RNF150: variants seen among roughly 807,000 people sequenced by gnomAD.
RNF150 encodes the protein ring finger protein 150.
In RNF150, 24 loss-of-function variants were observed where a neutral mutation model predicts 39.3. The observed-to-expected ratio is 0.61, with a 90% CI of 0.44 to 0.86. The LOEUF is 0.86. Among genes scored for constraint, RNF150 ranks in the 40% least tolerant of loss-of-function variants. The probability of loss-of-function intolerance (pLI) is 0.00; values close to 1 mark genes in which losing one functional copy is unlikely to be tolerated. For missense variants in RNF150, 502 were observed against 587.8 expected (o/e 0.85, Z 1.51); for synonymous variants, 255 against 227.3 (o/e 1.12, Z -1.10).
intron 1 of RNF150, among the ~76,000 whole-genome samples, chr4:141,076,364 T>C (rs147774341): frequency 6.6e-6 from 1 of 152,318 alleles, no homozygotes; most frequent in African/African-American, 2.4e-5. Context: ...GTTTTCCTTT[T>C]CATCCTCTCT....
chr4:141,127,233 C>A (rs1726777386), intron 1 of RNF150, among the ~76,000 whole-genome samples: 1 of 152,090 alleles, frequency 6.6e-6, no homozygotes, highest in Admixed American at 6.5e-5. Flanking sequence ...AGTAAGGGTA[C>A]CTATTTCACA....
At chr4:140,974,645 AG>A (rs1733596217) in intron 1 of RNF150, among the ~76,000 whole-genome samples, 1 of 152,154 alleles carries the variant, frequency 6.6e-6, no homozygotes, top group Admixed American at 6.5e-5. Context: ...TCAGTTTCTT[AG>A]TATCCTGGTA....
At chr4:141,122,215 C>T (rs1726625312) in intron 1 of RNF150, among the ~76,000 whole-genome samples, 1 of 152,190 alleles carries the variant, frequency 6.6e-6, no homozygotes, top group South Asian at 2.1e-4. Context: ...CATTCAGCAT[C>T]CCCCAGACAC....
At position 141,210,670 on chromosome 4, in the gene RNF150, T is replaced by C. The variant is rs527653985; in HGVS notation, c.-6+2124A>G. ...GTTTTTTTTAAAGTCACCCTTACAG[T>C]TTGAAATTTCTTGTCTTGTGGACTA... On this transcript the variant is annotated intron_variant, in intron 1 of 7. Coordinates refer to the RNF150 transcript ENST00000420921. Among the ~76,000 whole-genome samples, 16 of 152,290 alleles carry C rather than the reference T, an allele frequency of 1.1e-4. No individual in the cohort carries two copies. The East Asian group carries it at 3.1e-3, about 29-fold the overall frequency.
chr4:141,050,704 G>A (rs1379294013), intron 1 of RNF150, among the ~76,000 whole-genome samples: 1 of 152,180 alleles, frequency 6.6e-6, no homozygotes, highest in Non-Finnish European at 1.5e-5. Flanking sequence ...CCATGGTCTT[G>A]GGCAGCTCCG....
chr4:141,053,834 G>T, intron 1 of RNF150: 1 of 536,338 alleles, frequency 1.9e-6, no homozygotes, highest in South Asian at 7.4e-5. Context: ...CTTTCCAAAA[G>T]ATATGGTTTA....
intron 1 of RNF150, among the ~76,000 whole-genome samples, chr4:141,147,113 C>G (rs1214014950): frequency 1.3e-5 from 2 of 152,188 alleles, no homozygotes. Context: ...TGTCACCACA[C>G]TCGGCTAATC....
At chr4:141,020,624 G>C (rs1735456772) in intron 1 of RNF150, among the ~76,000 whole-genome samples, 1 of 152,092 alleles carries the variant, frequency 6.6e-6, no homozygotes, top group Admixed American at 6.6e-5. Flanking sequence ...TCTTCATCAA[G>C]ATCTTTCTAA....
chr4:140,913,245 G>A (rs572321102), intron 5 of RNF150, among the ~76,000 whole-genome samples: 1 of 152,278 alleles, frequency 6.6e-6, no homozygotes, highest in South Asian at 2.1e-4. Flanking sequence ...TGGCGACAGA[G>A]CAAGACTCTG....
chr4:140,908,815 T>C lies in RNF150; in HGVS notation c.1198+2329A>G, dbSNP rs115414052. ...ACCCACATTAAATTAAAATGCTTTC[T>C]CAGTTGTCATCTTGGCTTTACTAAG... On this transcript the variant is annotated intron_variant, in intron 6 of 6. Coordinates refer to ENST00000515673, the MANE Select transcript of RNF150 (RefSeq NM_020724.2). Among the ~76,000 whole-genome samples the C allele has an allele frequency of 2.6e-3, 402 of 152,310 alleles. 2 individuals are homozygous for C. The highest frequency in any genetic ancestry group is 9.2e-3 in the African/African-American group (384 of 41,580).
intron 6 of RNF150, among the ~76,000 whole-genome samples, chr4:140,884,588 T>C (rs1729493853): frequency 6.6e-6 from 1 of 152,232 alleles, no homozygotes; most frequent in Non-Finnish European, 1.5e-5. Flanking sequence ...TCTGCATCAC[T>C]GAAGCCTTTC....
chr4:141,014,557 T>C (rs1735194862), intron 1 of RNF150, among the ~76,000 whole-genome samples: 1 of 152,252 alleles, frequency 6.6e-6, no homozygotes, highest in Non-Finnish European at 1.5e-5. Context: ...TAATACCTCA[T>C]TGCAGTTTTA....
At chr4:140,944,357 G>A (rs981929168) in intron 4 of RNF150, among the ~76,000 whole-genome samples, 1 of 152,148 alleles carries the variant, frequency 6.6e-6, no homozygotes, top group Non-Finnish European at 1.5e-5. Context: ...ACCTGTCTGA[G>A]GCTGAGCAGC....
chr4:140,914,954 AAAC>A (rs1207795009), intron 5 of RNF150, among the ~76,000 whole-genome samples: 3 of 152,224 alleles, frequency 2.0e-5, no homozygotes, highest in Admixed American at 2.0e-4. Flanking sequence ...AAAACAACAA[AAAC>A]AAAAACAAAA....
At chr4:140,868,824 A>C (rs7668267) in intron 6 of RNF150, among the ~76,000 whole-genome samples, 3 of 152,024 alleles carry the variant, frequency 2.0e-5, no homozygotes, top group Non-Finnish European at 4.4e-5. Context: ...TTAAATCAAT[A>C]AGAAAAACAG....
chr4:140,962,065 T>TTC (rs70946717), intron 2 of RNF150, among the ~76,000 whole-genome samples: 33 of 148,958 alleles, frequency 2.2e-4, no homozygotes, highest in Non-Finnish European at 2.7e-4. Flanking sequence ...TCTCTCTCTC[T>TTC]TCTCTCTCTC....
intron 1 of RNF150, among the ~76,000 whole-genome samples, chr4:141,063,578 T>C (rs1181903426): frequency 6.6e-6 from 1 of 152,204 alleles, no homozygotes; most frequent in Non-Finnish European, 1.5e-5. Flanking sequence ...TTCTGAAACA[T>C]TGTGCCACCT....
At chr4:141,014,546 G>GTAA (rs1415756636) in intron 1 of RNF150, among the ~76,000 whole-genome samples, 1 of 152,174 alleles carries the variant, frequency 6.6e-6, no homozygotes, top group Admixed American at 6.5e-5. Context: ...CAGGTGTGAG[G>GTAA]TAATACCTCA....
At chr4:141,211,612 T>C (rs1407793913) in intron 1 of RNF150, among the ~76,000 whole-genome samples, 1 of 152,150 alleles carries the variant, frequency 6.6e-6, no homozygotes, top group Non-Finnish European at 1.5e-5. Context: ...GTTTTTCCAC[T>C]TGTTGCTAAG....
Sources: gnomAD v4.1 joint callset for allele counts (sites outside exome capture counted in the v4.1 genomes callset) on GRCh38, gnomAD v4.1.1 for gene constraint, MANE v1.5 for transcripts, NCBI Gene and HGNC (gene_info 2026-07-23, HGNC 2026-07-21) for gene names.